The following GPM6A variants were observed in gnomAD, a reference collection of about 807,000 sequenced individuals.
GPM6A encodes glycoprotein M6A.
A neutral mutation model predicts 32.1 loss-of-function variants in GPM6A; 7 were observed. The observed-to-expected ratio is 0.22, with a 90% CI of 0.12 to 0.41. The LOEUF (loss-of-function observed/expected upper bound fraction) is 0.41, where lower values mean the gene tolerates loss of function less well. GPM6A is among the 10% of genes least tolerant of loss of function. The probability of loss-of-function intolerance (pLI) is 1.00; values close to 1 mark genes in which losing one functional copy is unlikely to be tolerated. For missense variants in GPM6A, 235 were observed against 347.2 expected, an observed-to-expected ratio of 0.68 and a Z score of 2.57; for synonymous variants, 130 against 123.4, an observed-to-expected ratio of 1.05 and a Z score of -0.35.
At chr4:175,881,590 A>G (rs1737277593) in intron 1 of GPM6A, among the ~76,000 whole-genome samples, 1 of 152,224 alleles carries the variant, frequency 6.6e-6, no homozygotes. Flanking sequence ...ACTTGGAACC[A>G]ACCCAAATGT....
intron 1 of GPM6A, among the ~76,000 whole-genome samples, chr4:175,827,461 C>G (rs915394190): frequency 3.9e-5 from 6 of 152,160 alleles, no homozygotes; most frequent in African/African-American, 1.4e-4. Flanking sequence ...TGACTTGTTC[C>G]AGGTAACAGC....
intron 1 of GPM6A, among the ~76,000 whole-genome samples, chr4:175,805,555 T>A (rs890922896): frequency 6.6e-6 from 1 of 152,206 alleles, no homozygotes; most frequent in Non-Finnish European, 1.5e-5. Flanking sequence ...TTCCTCTCTT[T>A]GATGGAGGTA....
chr4:175,847,840 G>A (rs187106692), intron 1 of GPM6A, among the ~76,000 whole-genome samples: 1 of 152,282 alleles, frequency 6.6e-6, no homozygotes, highest in East Asian at 1.9e-4. Context: ...CACGTGATAA[G>A]TGCTTTAGGA....
intron 1 of GPM6A, among the ~76,000 whole-genome samples, chr4:175,908,162 C>G (rs6821549): frequency 0.98 from 149,980 of 152,320 alleles, 73,884 homozygotes; most frequent in South Asian, 1. Context: ...TTATGAAAAC[C>G]TGTCAAGTCT....
chr4:175,863,520 C>T (rs1186455254), intron 1 of GPM6A, among the ~76,000 whole-genome samples: 1 of 151,608 alleles, frequency 6.6e-6, no homozygotes, highest in East Asian at 1.9e-4. Flanking sequence ...TGGGATGATA[C>T]AAATAAAGAG....
intron 1 of GPM6A, among the ~76,000 whole-genome samples, chr4:175,753,195 GAA>G (rs1732404513): frequency 2.6e-5 from 4 of 151,970 alleles, no homozygotes; most frequent in South Asian, 4.2e-4. Flanking sequence ...TTCTTAACCA[GAA>G]AAAGAGTTTA....
At chr4:175,948,386 T>C (rs1739683320) in intron 1 of GPM6A, among the ~76,000 whole-genome samples, 1 of 152,324 alleles carries the variant, frequency 6.6e-6, no homozygotes, top group East Asian at 1.9e-4. Context: ...GATGGCCATC[T>C]GTGGGCCGGG....
chr4:175,881,400 T>G (rs1345789295), intron 1 of GPM6A, among the ~76,000 whole-genome samples: 2 of 152,232 alleles, frequency 1.3e-5, no homozygotes, highest in Non-Finnish European at 2.9e-5. Flanking sequence ...TTGGTGGGAC[T>G]GTAAACTAGT....
At position 175,683,593 on chromosome 4, in the gene GPM6A, G is replaced by A. The variant is rs950389769; in HGVS notation, c.231-9757C>T. ...AGGTAGGGCCTGATGGGAGGCATTT[G>A]GGTCTTGGGGGTGGATCTCTCATGG... On this transcript the variant is annotated intron_variant, in intron 2 of 6. Coordinates refer to ENST00000393658, the MANE Select transcript of GPM6A (RefSeq NM_201591.3). Among the ~76,000 whole-genome samples the A allele has an allele frequency of 3.3e-5, 5 of 152,010 alleles. No homozygotes were observed. In the East Asian group the frequency reaches 9.7e-4, roughly 29 times the overall value.
chr4:175,688,967 C>T (rs1214071492), intron 2 of GPM6A, among the ~76,000 whole-genome samples: 1 of 152,166 alleles, frequency 6.6e-6, no homozygotes. Flanking sequence ...ATCCTCCAGT[C>T]TCAGCCTCCT....
chr4:175,917,072 C>T (rs532012294), intron 1 of GPM6A, among the ~76,000 whole-genome samples: 3 of 152,108 alleles, frequency 2.0e-5, no homozygotes, highest in Non-Finnish European at 2.9e-5. Flanking sequence ...CCTGCTGATG[C>T]GATTAAGTCC....
intron 2 of GPM6A, among the ~76,000 whole-genome samples, chr4:175,681,864 C>A (rs769891283): frequency 1.3e-5 from 2 of 152,082 alleles, no homozygotes; most frequent in African/African-American, 4.8e-5. Context: ...AATGGTCTAA[C>A]AGAGAAAATT....
chr4:175,765,023 AC>A (rs777235840), intron 1 of GPM6A, among the ~76,000 whole-genome samples: 56 of 151,994 alleles, frequency 3.7e-4, no homozygotes, highest in Non-Finnish European at 6.6e-4. Flanking sequence ...ACAGGTGCAC[AC>A]CACCATGCCC....
chr4:175,775,740 A>C (rs1733367667), intron 1 of GPM6A, among the ~76,000 whole-genome samples: 1 of 152,140 alleles, frequency 6.6e-6, no homozygotes. Flanking sequence ...AATTAATATA[A>C]AGCAAGTCAT....
chr4:175,946,947 A>G (rs1171966457), intron 1 of GPM6A, among the ~76,000 whole-genome samples: 1 of 152,186 alleles, frequency 6.6e-6, no homozygotes, highest in East Asian at 1.9e-4. Flanking sequence ...TTACTGCTGT[A>G]CTGGAAGCCA....
chr4:175,774,625 T>C (rs2111239528), intron 1 of GPM6A, among the ~76,000 whole-genome samples: 1 of 152,192 alleles, frequency 6.6e-6, no homozygotes, highest in African/African-American at 2.4e-5. Context: ...AAGTCATGAA[T>C]TTCACAAATA....
At chr4:175,957,829 T>C (rs1179883484) in intron 1 of GPM6A, among the ~76,000 whole-genome samples, 1 of 152,222 alleles carries the variant, frequency 6.6e-6, no homozygotes, top group African/African-American at 2.4e-5. Context: ...TAATGTAACT[T>C]GTAATCCTAA....
chr4:176,000,758 T>C (rs562125519), intron 1 of GPM6A, among the ~76,000 whole-genome samples: 3 of 152,206 alleles, frequency 2.0e-5, no homozygotes, highest in South Asian at 2.1e-4. Flanking sequence ...ACAGCAAGTG[T>C]TGGGTTTAGG....
chr4:175,705,667 C>T (rs886581363), intron 1 of GPM6A, among the ~76,000 whole-genome samples: 3 of 152,142 alleles, frequency 2.0e-5, no homozygotes, highest in African/African-American at 7.2e-5. Context: ...CCCCTGGGCC[C>T]CGGATAGGTT....
Sources: allele counts gnomAD v4.1 joint callset (sites outside exome capture counted in the v4.1 genomes callset), GRCh38; gene constraint gnomAD v4.1.1; transcripts MANE v1.5; gene names NCBI Gene and HGNC (gene_info 2026-07-23, HGNC 2026-07-21).